The following CPQ variants were observed in gnomAD, a reference collection of about 807,000 sequenced individuals.
CPQ encodes Ser-Met dipeptidase.
A neutral mutation model predicts 45.7 loss-of-function variants in CPQ; 37 were observed. The ratio of observed to expected loss-of-function variants is 0.81; its 90% confidence interval spans 0.62 to 1.07. The LOEUF (loss-of-function observed/expected upper bound fraction) is 1.07, where lower values mean the gene tolerates loss of function less well. Among genes scored for constraint, CPQ ranks in the 50% least tolerant of loss-of-function variants. The pLI is 0.00. For missense variants in CPQ, 537 were observed against 572.9 expected, an observed-to-expected ratio of 0.94 and a Z score of 0.64; for synonymous variants, 186 against 205.8, an observed-to-expected ratio of 0.90 and a Z score of 0.82.
intron 3 of CPQ, among the ~76,000 whole-genome samples, chr8:96,873,357 G>T (rs540655442): frequency 4.7e-5 from 7 of 150,482 alleles, no homozygotes; most frequent in Non-Finnish European, 8.9e-5. Flanking sequence ...ATATTTTAGT[G>T]CTCCCCCTTT....
chr8:96,732,724 C>T (rs1006531901), intron 1 of CPQ, among the ~76,000 whole-genome samples: 2 of 152,128 alleles, frequency 1.3e-5, no homozygotes, highest in African/African-American at 4.8e-5. Context: ...CATTGGGATA[C>T]TGTCTATACT....
chr8:96,862,082 G>A (rs1811933536), intron 3 of CPQ, among the ~76,000 whole-genome samples: 1 of 152,050 alleles, frequency 6.6e-6, no homozygotes, highest in African/African-American at 2.4e-5. Flanking sequence ...AAGGAGGACA[G>A]CTTGTTTGAT....
intron 2 of CPQ, among the ~76,000 whole-genome samples, chr8:96,822,583 A>C (rs1811323436): frequency 1.3e-5 from 2 of 151,984 alleles, no homozygotes; most frequent in Non-Finnish European, 2.9e-5. Context: ...CCCTGCCAAC[A>C]CAAATTCTAA....
intron 1 of CPQ, among the ~76,000 whole-genome samples, chr8:96,746,428 A>G (rs937759581): frequency 6.6e-6 from 1 of 152,172 alleles, no homozygotes; most frequent in Admixed American, 6.5e-5. Context: ...CTTTGTTGAC[A>G]CATTCTACCA....
At chr8:96,718,316 G>C (rs1056043539) in intron 1 of CPQ, among the ~76,000 whole-genome samples, 2 of 152,190 alleles carry the variant, frequency 1.3e-5, no homozygotes, top group African/African-American at 4.8e-5. Context: ...CAGCTCTTAA[G>C]GTGGTGTGTC....
intron 1 of CPQ, among the ~76,000 whole-genome samples, chr8:96,730,887 A>G (rs933408627): frequency 8.3e-6 from 1 of 120,132 alleles, no homozygotes; most frequent in South Asian, 2.8e-4. Flanking sequence ...ATATATATAT[A>G]TATATGCATT....
At chr8:96,937,927 G>C (rs2853276) in intron 4 of CPQ, among the ~76,000 whole-genome samples, 74,948 of 152,086 alleles carry the variant, frequency 0.49, 20,494 homozygotes, top group African/African-American at 0.75. Context: ...ATAAAAGGAA[G>C]TTGGTTTGTT....
At chr8:96,716,920 TACACAC>T (rs926915927) in intron 1 of CPQ, among the ~76,000 whole-genome samples, 1 of 145,974 alleles carries the variant, frequency 6.9e-6, no homozygotes, top group African/African-American at 2.5e-5. Flanking sequence ...CACACACACA[TACACAC>T]ACACACACGC....
At chr8:96,732,641 A>G (rs1248600900) in intron 1 of CPQ, among the ~76,000 whole-genome samples, 4 of 152,072 alleles carry the variant, frequency 2.6e-5, no homozygotes, top group Non-Finnish European at 5.9e-5. Flanking sequence ...AATGTTAAAG[A>G]TGCTTATTTG....
Position 96,954,139 on chromosome 8 carries a change from T to C in CPQ, c.850-11796T>C, listed in dbSNP as rs1227531624. Among the ~76,000 whole-genome samples the C allele has an allele frequency of 1.4e-4, 22 of 152,172 alleles. 1 individual carries two copies. The highest frequency in any genetic ancestry group is 1.4e-3 in the Admixed American group (22 of 15,262). ...TTTCCTTTAATCTTGCTCTAATTTA[T>C]AGCCTATTAAAATATACTGTTTATG... is the stretch of plus-strand genomic sequence containing the variant. On this transcript the variant is annotated intron_variant, in intron 4 of 7. Transcript: ENST00000220763.
intron 4 of CPQ, among the ~76,000 whole-genome samples, chr8:96,935,940 A>G (rs1813041673): frequency 6.6e-6 from 1 of 150,782 alleles, no homozygotes; most frequent in Admixed American, 6.6e-5. Flanking sequence ...AAATTTGTCT[A>G]CCTCTTTTTT....
intron 2 of CPQ, among the ~76,000 whole-genome samples, chr8:96,793,541 G>T (rs954544497): frequency 6.6e-6 from 1 of 152,264 alleles, no homozygotes; most frequent in Middle Eastern, 3.4e-3. Flanking sequence ...ATCAGAGTTG[G>T]GTTGGGACAT....
At position 96,898,182 on chromosome 8, in the gene CPQ, T is replaced by C. The variant is rs756547821; in HGVS notation, c.849+18177T>C. On this transcript the variant is annotated intron_variant, in intron 4 of 7. Transcript: ENST00000220763. ...GGAAGACACAGAGCGATAGATGAGA[T>C]TGGGGCTGAGTCATCCATGATGGTA... is the stretch of plus-strand genomic sequence containing the variant. Among the ~76,000 whole-genome samples, 17 of 152,054 alleles carry C rather than the reference T, an allele frequency of 1.1e-4. 1 individual carries two copies. The South Asian group carries it at 1.4e-3, about 13-fold the overall frequency.
intron 1 of CPQ, among the ~76,000 whole-genome samples, chr8:96,651,094 C>G (rs1815571591): frequency 6.6e-6 from 1 of 152,154 alleles, no homozygotes; most frequent in Admixed American, 6.5e-5. Context: ...GCTGGATCCT[C>G]TAATTGTTAG....
At chr8:96,898,336 C>G (rs1812469856) in intron 4 of CPQ, among the ~76,000 whole-genome samples, 1 of 152,062 alleles carries the variant, frequency 6.6e-6, no homozygotes, top group Non-Finnish European at 1.5e-5. Flanking sequence ...AGTTGTTATT[C>G]AAGTGAATAT....
At chr8:96,659,579 T>C (rs1379804184) in intron 1 of CPQ, among the ~76,000 whole-genome samples, 5 of 152,242 alleles carry the variant, frequency 3.3e-5, no homozygotes, top group African/African-American at 1.2e-4. Context: ...GATCTTCATC[T>C]CTACACTTTA....
At chr8:96,712,909 A>G (rs902868685) in intron 1 of CPQ, among the ~76,000 whole-genome samples, 2 of 151,864 alleles carry the variant, frequency 1.3e-5, no homozygotes, top group East Asian at 3.9e-4. Context: ...TAGGCTGTAA[A>G]TTTTCCAAAC....
At chr8:96,956,678 A>C (rs1345069334) in intron 4 of CPQ, among the ~76,000 whole-genome samples, 1 of 152,182 alleles carries the variant, frequency 6.6e-6, no homozygotes. Context: ...AAGATATATA[A>C]ATTCTAATAA....
intron 2 of CPQ, among the ~76,000 whole-genome samples, chr8:96,820,357 AT>A (rs1264199061): frequency 6.6e-6 from 1 of 151,996 alleles, no homozygotes; most frequent in African/African-American, 2.4e-5. Context: ...TCAAAAAAAT[AT>A]TTTTTATTGT....
Sources: gnomAD v4.1 joint callset for allele counts (sites outside exome capture counted in the v4.1 genomes callset) on GRCh38, gnomAD v4.1.1 for gene constraint, MANE v1.5 for transcripts, NCBI Gene and HGNC (gene_info 2026-07-23, HGNC 2026-07-21) for gene names.